ZMYND12: variants seen among roughly 807,000 people sequenced by gnomAD.
ZMYND12 encodes zinc finger MYND domain-containing protein 12.
Under a neutral mutation model 41.7 loss-of-function variants are expected in ZMYND12, and 32 were observed. The observed-to-expected ratio is 0.77, with a 90% CI of 0.58 to 1.03. The LOEUF (loss-of-function observed/expected upper bound fraction) is 1.03, where lower values mean the gene tolerates loss of function less well. Among genes scored for constraint, ZMYND12 ranks in the 50% least tolerant of loss-of-function variants. The pLI, the probability that ZMYND12 is intolerant of heterozygous loss-of-function variation, is 0.00. For synonymous variants in ZMYND12, 148 were observed against 164.8 expected (o/e 0.90, Z 0.78); for missense variants, 424 against 438.5 (o/e 0.97, Z 0.30).
At chr1:42,445,498 C>G (rs909960574) in intron 3 of ZMYND12, among the ~76,000 whole-genome samples, 7 of 150,464 alleles carry the variant, frequency 4.7e-5, no homozygotes, top group Non-Finnish European at 8.8e-5. Flanking sequence ...CTAGACAAGG[C>G]AGTAGTAACC....
intron 5 of ZMYND12, 68 bp from the exon 6 acceptor site, chr1:42,435,453 G>A: frequency 1.5e-5 from 19 of 1,234,068 alleles, no homozygotes; most frequent in Non-Finnish European, 2.0e-5. Context: ...GGCAGGTGAG[G>A]AGAGTAGCGC....
chr1:42,430,949 A>C (rs991341673), intron 7 of ZMYND12, 91 bp from the exon 8 acceptor site: 16 of 1,545,256 alleles, frequency 1.0e-5, no homozygotes, highest in Non-Finnish European at 1.3e-5. Flanking sequence ...GAAACATGAG[A>C]GAGAACTGAC....
At position 42,455,814 on chromosome 1, in the gene ZMYND12, G is replaced by T. The variant is rs1012941981; in HGVS notation, c.110+74C>A. ...AGTCAGGGGCAACGGCTAACGCAAG[G>T]TACCCAAGCCAGACCCGGGAAAGGG... On this transcript the variant is annotated intron_variant, in intron 1 of 7. Transcript: ENST00000372565. 21 of 1,204,412 alleles carry T rather than the reference G, an allele frequency of 1.7e-5. No homozygotes were observed. The East Asian group carries it at 5.0e-4, about 29-fold the overall frequency. The allele number at this position is 1,204,412 out of a possible 1,614,324, so 74.6% of individuals were successfully genotyped here. A position where few individuals can be genotyped will look rare whatever the true frequency, so the allele number is the denominator to read the frequency against.
At chr1:42,436,641 A>G (rs1642911549) in intron 4 of ZMYND12, 98 bp from the exon 5 acceptor site, 1 of 1,409,326 alleles carries the variant, frequency 7.1e-7, no homozygotes. Flanking sequence ...AAACTGTTAC[A>G]ACATTCCAAT....
intron 2 of ZMYND12, among the ~76,000 whole-genome samples, chr1:42,449,503 A>G (rs1325944617): frequency 1.3e-5 from 2 of 152,162 alleles, no homozygotes. Context: ...TAAAAAGAGG[A>G]AATTGGACAC....
rs1642907294 is a variant in ZMYND12 at position 42,436,329 on chromosome 1, A to G, written c.717+92T>C. On this transcript the variant is annotated intron_variant, in intron 5 of 7. Coordinates refer to ENST00000372565, the MANE Select transcript of ZMYND12 (RefSeq NM_032257.5). ...TCATCTCTCTGTGCCTCTCTTTCTC[A>G]TGAATGGTATGTTTTTCATGAATAG... 5.1e-6 allele frequency: 8 copies of G among 1,556,112 alleles called. No individual in the cohort carries two copies. The Middle Eastern group carries it at 7.1e-4, about 138-fold the overall frequency.
intron 1 of ZMYND12, among the ~76,000 whole-genome samples, chr1:42,450,396 C>G (rs1569575343): frequency 6.6e-6 from 1 of 152,176 alleles, no homozygotes; most frequent in African/African-American, 2.4e-5. Context: ...ACTTTCATTT[C>G]TGATTTTAGT....
In ZMYND12 at chr1:42,450,041, C is replaced by T. The variant is rs1643067401; in HGVS notation, c.129G>A (p.Lys43=). ...VTYYCGVVHQ[K]ADWDSIHEKI... is the part of the protein sequence containing the mutation. ...TCTCATGGATGCTGTCCCAGTCAGC[C>T]TTCTGATGTACCACCCCACTGACAA... The change falls in exon 2 of 8, where the codon AAG becomes AAA. Residue 43 remains lysine (K), a synonymous_variant. Coordinates refer to ENST00000372565, the MANE Select transcript of ZMYND12 (RefSeq NM_032257.5). 1 of 1,613,856 alleles carries T rather than the reference C, an allele frequency of 6.2e-7. No homozygotes were observed. Among genetic ancestry groups the T allele is most frequent in the Admixed American group, 1.7e-5 (1 of 60,024 alleles).
rs150081259 is a variant in ZMYND12, at chr1:42,430,788, G to A, written c.1046C>T (p.Thr349Ile). Residue 349 changes from threonine (T) to isoleucine (I), a missense_variant, in exon 8 of 8, where the codon ACC (threonine) becomes ATC (isoleucine). Thr to Ile is a moderately conservative substitution (Grantham distance 89). Coordinates refer to ENST00000372565, the MANE Select transcript of ZMYND12 (RefSeq NM_032257.5). Reference protein sequence around the residue: ...EQQLDVHEQSTIQELLSLIST... With the variant: ...EQQLDVHEQSIIQELLSLIST... ...AATGAGACTTAATAACTCTTGAATG[G>A]TGCTTTGCTCATGGACATCAAGCTG... The A allele has an allele frequency of 1.2e-6, 2 of 1,614,154 alleles. No individual in the cohort carries two copies. Among genetic ancestry groups the A allele is most frequent in the East Asian group, 2.2e-5 (1 of 44,882 alleles).
chr1:42,440,222 A>G (rs1642954751), intron 3 of ZMYND12, among the ~76,000 whole-genome samples, 197 bp from the exon 4 acceptor site: 1 of 151,840 alleles, frequency 6.6e-6, no homozygotes, highest in Non-Finnish European at 1.5e-5. Flanking sequence ...GTAAATGTCC[A>G]TCAGCTGATG....
chr1:42,440,102 A>AT, intron 3 of ZMYND12, 77 bp from the exon 4 acceptor site: 1 of 1,449,312 alleles, frequency 6.9e-7, no homozygotes, highest in Non-Finnish European at 9.2e-7. Flanking sequence ...GTCATTACCC[A>AT]TTCACTCATG....
In ZMYND12 at chr1:42,449,458, G is replaced by A. The variant is rs537350436; in HGVS notation, c.252+460C>T. 8.3e-4 allele frequency among the ~76,000 whole-genome samples: 127 copies of A among 152,298 alleles called. 1 individual carries two copies. Among genetic ancestry groups the A allele is most frequent in the Non-Finnish European group, 1.4e-3 (94 of 68,032 alleles). On this transcript the variant is annotated intron_variant, in intron 2 of 7. Coordinates refer to ENST00000372565, the MANE Select transcript of ZMYND12 (RefSeq NM_032257.5). ...TGATTAAGTTAGAATGAGGCCATTA[G>A]GGTGGGCCCTAACCTAATCTGACTT...
chr1:42,448,977 A>T (rs1235620338), intron 2 of ZMYND12, among the ~76,000 whole-genome samples: 1 of 152,248 alleles, frequency 6.6e-6, no homozygotes, highest in East Asian at 1.9e-4. Context: ...GTCTCAGGAC[A>T]ATCTGAAACT....
At chr1:42,438,965 A>G (rs1642935582) in intron 4 of ZMYND12, among the ~76,000 whole-genome samples, 1 of 152,230 alleles carries the variant, frequency 6.6e-6, no homozygotes, top group African/African-American at 2.4e-5. Context: ...TTCAGTTATC[A>G]TCCTCAACAT....
At position 42,435,413 on chromosome 1, in the gene ZMYND12, C is replaced by T. The variant is rs768522749; in HGVS notation, c.718-28G>A. 19 of 1,558,376 alleles carry T rather than the reference C, an allele frequency of 1.2e-5. No homozygotes were observed. In the South Asian group the frequency reaches 2.1e-4, roughly 17 times the overall value. On this transcript the variant is annotated intron_variant, in intron 5 of 7. Transcript: ENST00000372565. ...GTTGGGAAAAGAGATGGTAATACAA[C>T]AAGCAGGCCAGACCTCAGCCGTCGG...
intron 3 of ZMYND12, 58 bp from the exon 4 acceptor site, chr1:42,440,083 G>A (rs1268020363): frequency 6.6e-7 from 1 of 1,508,130 alleles, no homozygotes; most frequent in African/African-American, 1.4e-5. Flanking sequence ...AACACATGAG[G>A]AAATATGAGT....
intron 4 of ZMYND12, among the ~76,000 whole-genome samples, chr1:42,438,542 A>G (rs1406826550): frequency 4.6e-5 from 7 of 152,114 alleles, no homozygotes; most frequent in Non-Finnish European, 8.8e-5. Context: ...GAGAGGCAGC[A>G]GAGAGAATCA....
In ZMYND12 at chr1:42,433,216, T is replaced by G. The variant is rs1158457352; in HGVS notation, c.902A>C (p.Lys301Thr). Residue 301 changes from lysine to threonine, a missense_variant, in exon 7 of 8, where the codon AAA (lysine) becomes ACA (threonine). By Grantham distance (78) the Lys-to-Thr change is moderately conservative (BLOSUM62 -1). Coordinates refer to ENST00000372565, the MANE Select transcript of ZMYND12 (RefSeq NM_032257.5). ...AACAAAGATGGTTTTTTGGGGGGCT[T>G]TGTCAGATGTAGATTCTCGAATGTT... is the stretch of plus-strand genomic sequence containing the variant. The part of the protein sequence containing the change: ...ILNIRESTSD[K>T]APQKTIFVLK... 2 of 1,612,772 alleles carry G rather than the reference T, an allele frequency of 1.2e-6. No individual in the cohort carries two copies. Among genetic ancestry groups the G allele is most frequent in the Non-Finnish European group, 1.7e-6 (2 of 1,179,506 alleles).
At chr1:42,451,861 G>A (rs1296844499) in intron 1 of ZMYND12, among the ~76,000 whole-genome samples, 1 of 152,160 alleles carries the variant, frequency 6.6e-6, no homozygotes, top group Admixed American at 6.5e-5. Context: ...GTTCCACTGA[G>A]AGCCACTAAC....
Sources: gnomAD v4.1 joint callset for allele counts (sites outside exome capture counted in the v4.1 genomes callset) on GRCh38, gnomAD v4.1.1 for gene constraint, MANE v1.5 for transcripts, NCBI Gene and HGNC (gene_info 2026-07-23, HGNC 2026-07-21) for gene names.